AKAP1: variants seen among roughly 807,000 people sequenced by gnomAD.
The protein encoded by AKAP1 is A-kinase anchoring protein 1, also known as A-kinase anchor protein 1, mitochondrial.
A neutral mutation model predicts 79.8 loss-of-function variants in AKAP1; 32 were observed. The observed-to-expected ratio is 0.40, with a 90% CI of 0.30 to 0.54. The LOEUF is 0.54. Among genes scored for constraint, AKAP1 ranks in the 20% least tolerant of loss-of-function variants. AKAP1 has a pLI of 0.47. For synonymous variants in AKAP1, 416 were observed against 466.7 expected (o/e 0.89, Z 1.40); for missense variants, 961 against 1,138.9 (o/e 0.84, Z 2.25).
At chr17:57,085,938 CT>C (rs1913417009) in intron 1 of AKAP1, 1 of 170,388 alleles carries the variant, frequency 5.9e-6, no homozygotes, top group South Asian at 1.3e-4. Flanking sequence ...TCACCCTCGG[CT>C]CGCCCGCCGG....
intron 1 of AKAP1, chr17:57,093,690 A>G (rs758130511): frequency 2.6e-5 from 4 of 152,226 alleles, no homozygotes; most frequent in Non-Finnish European, 5.9e-5. Context: ...CGTGTTTTCT[A>G]TCAAAACATT....
chr17:57,096,632 T>A (rs1481893321), intron 1 of AKAP1: 1 of 152,314 alleles, frequency 6.6e-6, no homozygotes, highest in Admixed American at 6.5e-5. Context: ...GCACTGAGGC[T>A]GGGCTGGGAC....
At chr17:57,085,794 A>T (rs972977431) in intron 1 of AKAP1, 3 of 152,322 alleles carry the variant, frequency 2.0e-5, no homozygotes, top group African/African-American at 7.3e-5. Context: ...GAGCGTGCAC[A>T]CCCGCCTGCG....
At chr17:57,115,985 T>C in intron 6 of AKAP1, 126 bp from the exon 7 acceptor site, 3 of 1,144,956 alleles carry the variant, frequency 2.6e-6, no homozygotes, top group Non-Finnish European at 3.6e-6. Flanking sequence ...TTGCTGTTCC[T>C]GTCCCCTGCA....
intron 1 of AKAP1, among the ~76,000 whole-genome samples, chr17:57,091,132 A>C (rs1913759030): frequency 6.6e-6 from 1 of 152,188 alleles, no homozygotes; most frequent in Non-Finnish European, 1.5e-5. Flanking sequence ...GCCACTCCCA[A>C]GAAAAAGGAG....
intron 2 of AKAP1, among the ~76,000 whole-genome samples, chr17:57,108,286 T>A (rs950948360): frequency 1.3e-5 from 2 of 152,226 alleles, no homozygotes; most frequent in East Asian, 3.8e-4. Context: ...AAGACACTAC[T>A]GTTTTTATGT....
In AKAP1 at chr17:57,105,971, C is replaced by T. The variant is rs781145420; in HGVS notation, c.507C>T (p.Ser169=). ...CAGCTGAGGTGTGTAAGCAAGATTC[C>T]CCCTTCAGCAGGGTGCCAAGGAAGG... ...SKSAEVCKQD[S]PFSRVPRKVQ... is the part of the protein sequence containing the mutation. The change falls in exon 2 of 11, where the codon TCC becomes TCT. Residue 169 remains serine, a synonymous_variant. Coordinates refer to ENST00000337714, the MANE Select transcript of AKAP1 (RefSeq NM_003488.4). 15 of 1,614,224 alleles carry T rather than the reference C, an allele frequency of 9.3e-6. No individual in the cohort carries two copies. The highest frequency in any genetic ancestry group is 1.3e-5 in the Non-Finnish European group (15 of 1,180,048).
At position 57,086,382 on chromosome 17, in the gene AKAP1, G is replaced by T; in HGVS notation, c.-25+984G>T. 1 of 455,030 alleles carries T rather than the reference G, an allele frequency of 2.2e-6. No homozygotes were observed. Among genetic ancestry groups the T allele is most frequent in the South Asian group, 1.6e-5 (1 of 64,476 alleles). The allele number at this position is 455,030 out of a possible 1,614,324, so 28.2% of individuals were successfully genotyped here. A position where few individuals can be genotyped will look rare whatever the true frequency, so the allele number is the denominator to read the frequency against. ...CCTGTTTCCCTTCCAGGGAGGGATA[G>T]GAGAAGAAAGGTGCTGATCGTGGTA... On this transcript the variant is annotated intron_variant, in intron 1 of 10. Transcript: ENST00000337714. This position sits in a 1 kb window ranked among gnomAD's most constrained non-coding sequence, Gnocchi z 5.1.
chr17:57,110,330 G>A (rs773233750), intron 3 of AKAP1, among the ~76,000 whole-genome samples, 172 bp downstream of exon 3: 74 of 152,222 alleles, frequency 4.9e-4, no homozygotes, highest in Non-Finnish European at 3.2e-4. Context: ...CCAAGGCTCA[G>A]AGAGCTTCCT....
rs115777882 is a variant in AKAP1, at chr17:57,099,512, T to A, written c.-24-5929T>A. ...GTGGGACATCCTGGATTCTGTGGGTTGGGTGAAATGGGTAGCAGTATTCAG... is the reference window on the plus strand; with the variant it reads ...GTGGGACATCCTGGATTCTGTGGGTAGGGTGAAATGGGTAGCAGTATTCAG... On this transcript the variant is annotated intron_variant, in intron 1 of 10. Coordinates refer to ENST00000337714, the MANE Select transcript of AKAP1 (RefSeq NM_003488.4). 2.2e-3 allele frequency among the ~76,000 whole-genome samples: 336 copies of A among 152,208 alleles called. 2 individuals carry two copies. The highest frequency in any genetic ancestry group is 7.3e-3 in the African/African-American group (304 of 41,542).
At chr17:57,107,989 G>T in intron 2 of AKAP1, 2 of 1,289,004 alleles carry the variant, frequency 1.6e-6, no homozygotes, top group Non-Finnish European at 2.0e-6. Flanking sequence ...TGATAACGAG[G>T]TGTCCTGGGT....
intron 4 of AKAP1, among the ~76,000 whole-genome samples, chr17:57,112,128 T>C (rs1915285468): frequency 6.6e-6 from 1 of 152,122 alleles, no homozygotes; most frequent in South Asian, 2.1e-4. Context: ...CTCTGATCTT[T>C]GGCCAGGAGA....
Position 57,106,509 on chromosome 17 carries a change from T to C in AKAP1, c.1045T>C (p.Phe349Leu), listed in dbSNP as rs1914880739. 3 of 1,613,710 alleles carry C rather than the reference T, an allele frequency of 1.9e-6. No individual in the cohort carries two copies. Among genetic ancestry groups the C allele is most frequent in the Non-Finnish European group, 8.5e-7 (1 of 1,179,850 alleles). The stretch of plus-strand genomic sequence containing the variant: ...AAATGAGGAGATTAAGCGGGCTGCC[T>C]TCCAGATAATCTCCCAAGTGATCTC... ...DRNEEIKRAAFQIISQVISEA... is the reference protein window; with the variant it reads ...DRNEEIKRAALQIISQVISEA... The change falls in exon 2 of 11, where the codon TTC (phenylalanine) becomes CTC (leucine). Residue 349 changes from phenylalanine to leucine, a missense_variant. By Grantham distance (22) the Phe-to-Leu change is conservative (BLOSUM62 0). Coordinates refer to ENST00000337714, the MANE Select transcript of AKAP1 (RefSeq NM_003488.4).
chr17:57,114,733 T>C, intron 6 of AKAP1, 97 bp downstream of exon 6: 1 of 1,286,970 alleles, frequency 7.8e-7, no homozygotes, highest in Non-Finnish European at 1.1e-6. Flanking sequence ...CGATCCTTCA[T>C]GGAAGCAGCA....
At chr17:57,115,132 C>T (rs960408932) in intron 6 of AKAP1, among the ~76,000 whole-genome samples, 4 of 152,156 alleles carry the variant, frequency 2.6e-5, no homozygotes, top group Non-Finnish European at 5.9e-5. Flanking sequence ...CCTCAGGTGA[C>T]TTGCCCAAGT....
At chr17:57,110,241 G>A (rs1915157501) in intron 3 of AKAP1, 83 bp downstream of exon 3, 6 of 1,551,096 alleles carry the variant, frequency 3.9e-6, no homozygotes, top group Non-Finnish European at 5.2e-6. Context: ...AGGGAGGGAG[G>A]GGGCTGGGAG....
chr17:57,117,077 GC>G, intron 8 of AKAP1, 150 bp downstream of exon 8: 1 of 806,976 alleles, frequency 1.2e-6, no homozygotes. Flanking sequence ...CTGGGCTTAG[GC>G]CCAGGAACTT....
intron 1 of AKAP1, 109 bp from the exon 2 acceptor site, chr17:57,105,332 A>C: frequency 9.4e-7 from 1 of 1,058,468 alleles, no homozygotes; most frequent in Non-Finnish European, 1.4e-6. Flanking sequence ...GGGAAGGCGG[A>C]GGAGATGGCT....
intron 1 of AKAP1, among the ~76,000 whole-genome samples, chr17:57,096,998 C>T (rs527385393): frequency 8.5e-5 from 13 of 152,200 alleles, no homozygotes; most frequent in Non-Finnish European, 1.3e-4. Flanking sequence ...TGAGGGTCAC[C>T]GAGACCTTTA....
Sources: gnomAD v4.1 joint callset for allele counts (sites outside exome capture counted in the v4.1 genomes callset) on GRCh38, gnomAD v4.1.1 for gene constraint, Gnocchi (gnomAD v3.1) non-coding constraint, MANE v1.5 for transcripts, NCBI Gene and HGNC (gene_info 2026-07-23, HGNC 2026-07-21) for gene names.